Variants in KLHDC4 observed in about 807,000 individuals in gnomAD.
The protein encoded by KLHDC4 is kelch domain containing 4, also known as kelch domain-containing protein 4.
KLHDC4 carries 90 observed loss-of-function variants against 62.4 expected under a neutral mutation model. That is an observed-to-expected ratio of 1.44 (90% confidence interval 1.22 to 1.72). The LOEUF (loss-of-function observed/expected upper bound fraction) is 1.72, where lower values mean the gene tolerates loss of function less well. KLHDC4 is among the 40% of genes most tolerant of loss of function. KLHDC4 has a pLI of 0.00. For missense variants in KLHDC4, 1,025 were observed against 699.7 expected, an observed-to-expected ratio of 1.47 and a Z score of -5.25; for synonymous variants, 386 against 284.4, an observed-to-expected ratio of 1.36 and a Z score of -3.59.
chr16:87,708,193 G>T, intron 11 of KLHDC4, 118 bp from the exon 12 acceptor site: 1 of 618,830 alleles, frequency 1.6e-6, no homozygotes, highest in Non-Finnish European at 2.9e-6. Flanking sequence ...AGAGCCCACA[G>T]GCACACGGCA....
chr16:87,709,774 GT>G, intron 9 of KLHDC4, 107 bp from the exon 10 acceptor site: 3 of 1,304,574 alleles, frequency 2.3e-6, no homozygotes, highest in Non-Finnish European at 3.1e-6. Context: ...ACCCACAAGC[GT>G]GGGGAGTGTG....
intron 4 of KLHDC4, among the ~76,000 whole-genome samples, chr16:87,752,770 T>C (rs1018437050): frequency 6.6e-6 from 1 of 151,906 alleles, no homozygotes; most frequent in African/African-American, 2.4e-5. Context: ...CCAAAGATAA[T>C]GAACACCAGG....
At chr16:87,731,377 T>C (rs2040341851) in intron 5 of KLHDC4, among the ~76,000 whole-genome samples, 1 of 151,898 alleles carries the variant, frequency 6.6e-6, no homozygotes, top group African/African-American at 2.4e-5. Context: ...CGGCCCAGAA[T>C]TCTATCTTAA....
In KLHDC4 at chr16:87,765,929, A is replaced by G. The variant is rs2143565934; in HGVS notation, c.-39T>C. ...AAGCCGCGACGGGACACCAGGAAAG[A>G]AAACGGCCCGCGCTCTCCGCTCGGA... is the stretch of plus-strand genomic sequence containing the variant. On this transcript the variant is annotated 5_prime_UTR_variant, in exon 1 of 12. Transcript: ENST00000270583. The G allele has an allele frequency of 6.5e-7, 1 of 1,538,468 alleles. No homozygotes were observed. The highest frequency in any genetic ancestry group is 1.2e-5 in the South Asian group (1 of 83,766).
At chr16:87,718,519 G>T (rs1015753300) in intron 7 of KLHDC4, among the ~76,000 whole-genome samples, 1 of 150,094 alleles carries the variant, frequency 6.7e-6, no homozygotes, top group African/African-American at 2.5e-5. Flanking sequence ...GCAGGCACGC[G>T]CCGCCACGCC....
rs151094504 is a variant in KLHDC4, at chr16:87,756,494, C to G, written c.192-17G>C. 7.2e-5 allele frequency: 116 copies of G among 1,605,764 alleles called. 1 individual carries two copies. The African/African-American group carries it at 1.4e-3, about 19-fold the overall frequency. ...GCATTTAACCTACAAGACACACAAG[C>G]GGCAGGTCAGCAAGATCACCCCCGA... On this transcript the variant is annotated splice_polypyrimidine_tract_variant and intron_variant, in intron 2 of 11. Coordinates refer to ENST00000270583, the MANE Select transcript of KLHDC4 (RefSeq NM_017566.4).
In KLHDC4 at chr16:87,755,284, CA is replaced by C; in HGVS notation, c.278del (p.Leu93CysfsTer34). The C allele has an allele frequency of 1.3e-6, 2 of 1,585,518 alleles. No homozygotes were observed. The highest frequency in any genetic ancestry group is 1.7e-6 in the Non-Finnish European group (2 of 1,155,542). On this transcript the variant is annotated frameshift_variant, in exon 4 of 12. Transcript: ENST00000270583. LOFTEE classifies it high-confidence loss of function. ...TATTGTAGACATAGAGCTCGTTATA[CA>C]AAAAAGTCTACAGGAAGGAAGAAGA... is the stretch of plus-strand genomic sequence containing the variant. ...GEYFNGQKTF[L>X]YNELYVYNTR...
At chr16:87,737,618 C>T (rs2041561311) in intron 5 of KLHDC4, among the ~76,000 whole-genome samples, 2 of 148,718 alleles carry the variant, frequency 1.3e-5, no homozygotes, top group Non-Finnish European at 3.0e-5. Context: ...GAGACAGTCT[C>T]GCTCTGTCAC....
chr16:87,743,459 G>T (rs563909664), intron 5 of KLHDC4, among the ~76,000 whole-genome samples: 2 of 152,082 alleles, frequency 1.3e-5, no homozygotes, highest in Non-Finnish European at 2.9e-5. Context: ...AATAAACCTG[G>T]CCAGGCGCCG....
chr16:87,709,993 G>C (rs1026545425), intron 9 of KLHDC4: 5 of 325,368 alleles, frequency 1.5e-5, no homozygotes, highest in African/African-American at 1.0e-4. Context: ...CAGCCCCACA[G>C]GCTCCGACGC....
At chr16:87,701,910 C>T (rs535068050) in exon 1 of KLHDC4, 26 of 456,354 alleles carry the variant, frequency 5.7e-5, no homozygotes, top group Non-Finnish European at 8.4e-5. Context: ...CTGCTGTGCA[C>T]GTGCTCCCTC....
At chr16:87,724,414 C>T (rs1457951790) in intron 7 of KLHDC4, among the ~76,000 whole-genome samples, 1 of 152,168 alleles carries the variant, frequency 6.6e-6, no homozygotes, top group African/African-American at 2.4e-5. Context: ...ACAAACACTT[C>T]GGAAGGTGAC....
intron 6 of KLHDC4, 83 bp downstream of exon 6, chr16:87,730,469 T>C: frequency 1.7e-6 from 2 of 1,159,878 alleles, no homozygotes; most frequent in Non-Finnish European, 2.5e-6. Flanking sequence ...GCGTCTTTCT[T>C]GTGTATTCAG....
chr16:87,757,465 T>TG (rs1213594434), intron 2 of KLHDC4: 3 of 131,448 alleles, frequency 2.3e-5, no homozygotes, highest in Admixed American at 7.7e-5. Context: ...AGATTCCATC[T>TG]GAAAAAAAAA....
Position 87,711,393 on chromosome 16 carries a change from G to A in KLHDC4, c.886C>T (p.Arg296Trp), listed in dbSNP as rs557813142. 60 of 1,613,532 alleles carry A rather than the reference G, an allele frequency of 3.7e-5. No individual in the cohort carries two copies. The African/African-American group carries it at 4.4e-4, about 12-fold the overall frequency. The change falls in exon 9 of 12, where the codon CGG becomes TGG. Residue 296 changes from arginine to tryptophan, a missense_variant. Coordinates refer to ENST00000270583, the MANE Select transcript of KLHDC4 (RefSeq NM_017566.4). ...GCCATGGCCACGGAAAAGCCAGACC[G>A]TGGGGTGGGCTTGACCCCCGAAGGG... ...MNPSGVKPTP[R>W]SGFSVAMAPN...
chr16:87,748,409 G>A (rs1240079306), intron 5 of KLHDC4, among the ~76,000 whole-genome samples: 1 of 152,198 alleles, frequency 6.6e-6, no homozygotes, highest in African/African-American at 2.4e-5. Flanking sequence ...CTGCAACACA[G>A]GCAGCGAGAG....
At chr16:87,723,329 G>A (rs572480830) in intron 7 of KLHDC4, among the ~76,000 whole-genome samples, 60 of 152,354 alleles carry the variant, frequency 3.9e-4, no homozygotes, top group South Asian at 1.2e-3. Flanking sequence ...AAGAGCTACT[G>A]AACTAAGTGG....
At chr16:87,720,758 G>A (rs529628368) in intron 7 of KLHDC4, among the ~76,000 whole-genome samples, 1 of 152,348 alleles carries the variant, frequency 6.6e-6, no homozygotes, top group African/African-American at 2.4e-5. Flanking sequence ...ACCACTTCTA[G>A]TCAGCTTCCT....
intron 7 of KLHDC4, among the ~76,000 whole-genome samples, chr16:87,721,143 G>A (rs570127384): frequency 2.6e-4 from 40 of 152,320 alleles, no homozygotes; most frequent in Non-Finnish European, 5.1e-4. Context: ...CCAGAAGGCC[G>A]GGCATAGTGG....
Sources: allele counts gnomAD v4.1 joint callset (sites outside exome capture counted in the v4.1 genomes callset), GRCh38; gene constraint gnomAD v4.1.1; transcripts MANE v1.5; gene names NCBI Gene and HGNC (gene_info 2026-07-23, HGNC 2026-07-21).